The following ATRNL1 variants were observed in gnomAD, a reference collection of about 807,000 sequenced individuals.
ATRNL1 encodes attractin-like protein 1.
In ATRNL1, 95 loss-of-function variants were observed where a neutral mutation model predicts 182.7. The ratio of observed to expected loss-of-function variants is 0.52; its 90% CI spans 0.44 to 0.62. The LOEUF (loss-of-function observed/expected upper bound fraction) is 0.62, where lower values mean the gene tolerates loss of function less well. Ranked by LOEUF, ATRNL1 falls within the 20% of genes least tolerant of loss-of-function variation. The probability of loss-of-function intolerance (pLI) is 0.00; values close to 1 mark genes in which losing one functional copy is unlikely to be tolerated. For missense variants in ATRNL1, 1,471 were observed against 1,679.5 expected (o/e 0.88, Z 2.17); for synonymous variants, 576 against 568.3 (o/e 1.01, Z -0.19).
At chr10:115,126,768 A>G (rs1241261680) in intron 3 of ATRNL1, among the ~76,000 whole-genome samples, 1 of 152,216 alleles carries the variant, frequency 6.6e-6, no homozygotes, top group African/African-American at 2.4e-5. Context: ...GTGTCGAGTT[A>G]TATAATTTGT....
intron 28 of ATRNL1, among the ~76,000 whole-genome samples, chr10:115,922,769 A>T (rs1398407520): frequency 6.6e-6 from 1 of 152,230 alleles, no homozygotes; most frequent in Non-Finnish European, 1.5e-5. Context: ...AACTAATAAG[A>T]AAATAAGTAA....
intron 27 of ATRNL1, among the ~76,000 whole-genome samples, chr10:115,782,291 T>G (rs782804688): frequency 6.6e-6 from 1 of 152,168 alleles, no homozygotes; most frequent in Non-Finnish European, 1.5e-5. Flanking sequence ...ACCAAGCTCC[T>G]TAGAAACTAA....
intron 24 of ATRNL1, among the ~76,000 whole-genome samples, chr10:115,498,843 C>T (rs1195751274): frequency 2.6e-5 from 4 of 151,884 alleles, no homozygotes; most frequent in African/African-American, 9.7e-5. Flanking sequence ...TACTCTTAGA[C>T]TGTTGGAAAT....
chr10:115,825,489 A>G (rs911661955), intron 27 of ATRNL1, among the ~76,000 whole-genome samples: 7 of 152,146 alleles, frequency 4.6e-5, no homozygotes, highest in African/African-American at 1.7e-4. Context: ...TTAACTTGGT[A>G]CACTCATGCT....
chr10:115,356,034 G>T (rs782573856), intron 19 of ATRNL1, among the ~76,000 whole-genome samples: 1 of 152,000 alleles, frequency 6.6e-6, no homozygotes, highest in African/African-American at 2.4e-5. Flanking sequence ...TTTTACAGAC[G>T]TGTTTAATAC....
chr10:115,362,104 T>G (rs1416049519), intron 19 of ATRNL1, among the ~76,000 whole-genome samples: 3 of 151,996 alleles, frequency 2.0e-5, no homozygotes, highest in Non-Finnish European at 2.9e-5. Context: ...AAAAAAAAAT[T>G]TACACTTCTC....
chr10:115,273,426 AT>A (rs1233462457), intron 13 of ATRNL1, among the ~76,000 whole-genome samples: 2,711 of 146,976 alleles, frequency 0.018, 77 homozygotes, highest in African/African-American at 0.06. Flanking sequence ...CTTTTCCACA[AT>A]TTTTTTTTTT....
At chr10:115,515,311 A>T (rs948992689) in intron 24 of ATRNL1, among the ~76,000 whole-genome samples, 5 of 127,042 alleles carry the variant, frequency 3.9e-5, no homozygotes, top group South Asian at 2.6e-4. Context: ...TTGTTAGAAT[A>T]GTTGTTCTTT....
intron 18 of ATRNL1, among the ~76,000 whole-genome samples, chr10:115,329,989 A>T (rs1325045565): frequency 6.6e-6 from 1 of 151,514 alleles, no homozygotes; most frequent in South Asian, 2.1e-4. Context: ...GTGTTAAGTG[A>T]TTTTCTCTAG....
At chr10:115,659,959 A>G (rs1860572920) in intron 26 of ATRNL1, among the ~76,000 whole-genome samples, 1 of 152,194 alleles carries the variant, frequency 6.6e-6, no homozygotes, top group Non-Finnish European at 1.5e-5. Context: ...AGGACATTGT[A>G]AACTGTGCTA....
rs187607607 is a variant in ATRNL1, at chr10:115,857,199, G to A, written c.4018+9208G>A. 4.6e-5 allele frequency among the ~76,000 whole-genome samples: 7 copies of A among 151,658 alleles called. No individual in the cohort carries two copies. The East Asian group carries it at 1.4e-3, about 29-fold the overall frequency. On this transcript the variant is annotated intron_variant, in intron 28 of 28. Transcript: ENST00000355044. ...ATAACATATACAACATACAAAATAC[G>A]TGTTAATCAACTGTTTAGATTATTG...
chr10:115,498,122 T>C (rs1592743619), intron 24 of ATRNL1, among the ~76,000 whole-genome samples: 3 of 152,194 alleles, frequency 2.0e-5, no homozygotes, highest in Admixed American at 2.0e-4. Flanking sequence ...TTAGATTTAA[T>C]TTAAATATAG....
At chr10:115,889,407 C>A (rs1269032118) in intron 28 of ATRNL1, among the ~76,000 whole-genome samples, 1 of 150,826 alleles carries the variant, frequency 6.6e-6, no homozygotes, top group African/African-American at 2.4e-5. Context: ...GTGCTCACTG[C>A]AACCTCAGCC....
rs142567627 is a variant in ATRNL1 at position 115,904,183 on chromosome 10, G to C, written c.4019-40475G>C. Among the ~76,000 whole-genome samples the C allele has an allele frequency of 7.8e-3, 1,187 of 152,260 alleles. 9 individuals carry two copies. The highest frequency in any genetic ancestry group is 0.013 in the Non-Finnish European group (868 of 68,008). On this transcript the variant is annotated intron_variant, in intron 28 of 28. Transcript: ENST00000355044. ...ACCTGCCAGCAAAGTTTCACATCAG[G>C]CAGGAATGGACCCTGTACCACTACT... is the stretch of plus-strand genomic sequence containing the variant.
chr10:115,439,198 G>A (rs1319463448), intron 21 of ATRNL1, among the ~76,000 whole-genome samples: 1 of 151,918 alleles, frequency 6.6e-6, no homozygotes, highest in East Asian at 1.9e-4. Context: ...AGTAGACTGA[G>A]GATGAGGAAG....
chr10:115,889,104 A>G (rs1337183271), intron 28 of ATRNL1, among the ~76,000 whole-genome samples: 2 of 152,202 alleles, frequency 1.3e-5, no homozygotes, highest in African/African-American at 2.4e-5. Flanking sequence ...AACCTCTCCC[A>G]TATTTGCCAA....
intron 26 of ATRNL1, among the ~76,000 whole-genome samples, chr10:115,630,496 A>G (rs1422266633): frequency 2.6e-5 from 4 of 151,806 alleles, no homozygotes; most frequent in Admixed American, 2.6e-4. Context: ...ATGATCCAAC[A>G]AATCTACTTC....
At chr10:115,805,019 G>C (rs952940060) in intron 27 of ATRNL1, among the ~76,000 whole-genome samples, 1 of 151,798 alleles carries the variant, frequency 6.6e-6, no homozygotes, top group Non-Finnish European at 1.5e-5. Flanking sequence ...GGTGAAGATC[G>C]AGTTCAGCAC....
At chr10:115,748,524 T>A (rs911886520) in intron 27 of ATRNL1, among the ~76,000 whole-genome samples, 20 of 151,944 alleles carry the variant, frequency 1.3e-4, no homozygotes, top group Middle Eastern at 3.4e-3. Context: ...CTGAAAGCCC[T>A]GGACACTCTT....
Sources: allele counts gnomAD v4.1 joint callset (sites outside exome capture counted in the v4.1 genomes callset), GRCh38; gene constraint gnomAD v4.1.1; transcripts MANE v1.5; gene names NCBI Gene and HGNC (gene_info 2026-07-23, HGNC 2026-07-21).